Variants in MON2 observed in about 807,000 individuals in gnomAD.
MON2 encodes MON2 regulator of endosome-to-Golgi trafficking.
Under a neutral mutation model 208.6 loss-of-function variants are expected in MON2, and 84 were observed. The observed-to-expected ratio is 0.40, with a 90% CI of 0.34 to 0.48. The LOEUF (loss-of-function observed/expected upper bound fraction) is 0.48. Among genes scored for constraint, MON2 ranks in the 20% least tolerant of loss-of-function variants. The probability of loss-of-function intolerance (pLI) is 0.59; values close to 1 mark genes in which losing one functional copy is unlikely to be tolerated. For missense variants in MON2, 1,611 were observed against 2,015.4 expected, an observed-to-expected ratio of 0.80 and a Z score of 3.84; for synonymous variants, 660 against 694.0, an observed-to-expected ratio of 0.95 and a Z score of 0.77.
In MON2 at chr12:62,495,061, A is replaced by G. The variant is rs905044528; in HGVS notation, c.349A>G (p.Asn117Asp). 6.2e-7 allele frequency: 1 copy of G among 1,610,896 alleles called. No individual in the cohort carries two copies. ...IINMLWQLME[N>D]SLEELKLLQT... ...TAACATGCTTTGGCAGCTAATGGAG[A>G]ATAGTCTTGAAGAACTTAAGCTACT... The change falls in exon 4 of 35, where the codon AAT becomes GAT. Residue 117 changes from asparagine to aspartate, a missense_variant. By Grantham distance (23) the Asn-to-Asp change is conservative (BLOSUM62 1). Coordinates refer to ENST00000393630, the MANE Select transcript of MON2 (RefSeq NM_015026.3).
At chr12:62,569,634 A>C (rs1334238848) in intron 29 of MON2, among the ~76,000 whole-genome samples, 5 of 152,130 alleles carry the variant, frequency 3.3e-5, no homozygotes, top group Admixed American at 2.0e-4. Flanking sequence ...TTTTTAGTGG[A>C]TCAACTTTGG....
At chr12:62,532,358 C>A in intron 11 of MON2, 80 bp from the exon 12 acceptor site, 1 of 1,024,990 alleles carries the variant, frequency 9.8e-7, no homozygotes, top group South Asian at 1.5e-5. Context: ...TTTCTATAGT[C>A]TGTAAATTGT....
intron 23 of MON2, among the ~76,000 whole-genome samples, chr12:62,550,332 C>A (rs1161860211): frequency 6.6e-6 from 1 of 152,014 alleles, no homozygotes; most frequent in Non-Finnish European, 1.5e-5. Flanking sequence ...AGTTTGAGAC[C>A]AGGCTGGGCA....
chr12:62,576,029 G>A (rs1310334494), intron 30 of MON2, among the ~76,000 whole-genome samples: 1 of 152,032 alleles, frequency 6.6e-6, no homozygotes, highest in African/African-American at 2.4e-5. Context: ...GCAAAAAAGT[G>A]AAATTGAATG....
chr12:62,569,711 A>G (rs757837304), intron 29 of MON2, among the ~76,000 whole-genome samples: 2 of 152,170 alleles, frequency 1.3e-5, no homozygotes, highest in Non-Finnish European at 2.9e-5. Flanking sequence ...GGCTTAATCA[A>G]CTCATCATCT....
At chr12:62,574,724 A>C (rs2074714585) in intron 30 of MON2, among the ~76,000 whole-genome samples, 2 of 152,090 alleles carry the variant, frequency 1.3e-5, no homozygotes, top group Non-Finnish European at 2.9e-5. Context: ...GTAGTTGATG[A>C]ACACCCTAGA....
At chr12:62,551,502 C>A (rs1024497027) in intron 23 of MON2, among the ~76,000 whole-genome samples, 3 of 151,982 alleles carry the variant, frequency 2.0e-5, no homozygotes, top group African/African-American at 7.3e-5. Context: ...CATAGATCAC[C>A]ATAACAGACA....
At chr12:62,544,463 A>G (rs147249433) in intron 20 of MON2, among the ~76,000 whole-genome samples, 12 of 152,230 alleles carry the variant, frequency 7.9e-5, no homozygotes, top group African/African-American at 2.6e-4. Flanking sequence ...TAATAATAAT[A>G]AAATAAATAA....
intron 23 of MON2, 100 bp downstream of exon 23, chr12:62,549,930 T>G: frequency 1.5e-6 from 1 of 680,764 alleles, no homozygotes; most frequent in Non-Finnish European, 2.2e-6. Flanking sequence ...CTTTGCAAAT[T>G]GTTTATATGG....
intron 30 of MON2, among the ~76,000 whole-genome samples, chr12:62,572,171 A>G (rs2074616808): frequency 1.3e-5 from 2 of 152,250 alleles, no homozygotes. Flanking sequence ...AGCAATTGCT[A>G]GTTACAAATG....
rs562262028 is a variant in MON2 at position 62,566,565 on chromosome 12, T to C, written c.4323+115T>C. On this transcript the variant is annotated intron_variant, in intron 29 of 34. Transcript: ENST00000393630. ...TAAATAGAAAATACAATTTGTAGTA[T>C]TATTTGTAATGACTTTTCTCCAATA... 4.8e-5 allele frequency: 51 copies of C among 1,063,226 alleles called. No homozygotes were observed. The African/African-American group carries it at 8.3e-4, about 17-fold the overall frequency. 65.9% of individuals were successfully genotyped at this position (1,063,226 alleles called of 1,614,324 possible). A position where few individuals can be genotyped will look rare whatever the true frequency, so the allele number is the denominator to read the frequency against.
intron 26 of MON2, among the ~76,000 whole-genome samples, chr12:62,563,268 T>C (rs1165077813): frequency 6.6e-6 from 1 of 152,202 alleles, no homozygotes; most frequent in Non-Finnish European, 1.5e-5. Context: ...GCTTGTTATG[T>C]GGGATATTTG....
chr12:62,532,751 T>C (rs2072715587), intron 12 of MON2, 81 bp downstream of exon 12: 16 of 1,003,044 alleles, frequency 1.6e-5, no homozygotes, highest in Non-Finnish European at 2.3e-5. Context: ...TATAAATCTT[T>C]CACCCTGACT....
intron 2 of MON2, among the ~76,000 whole-genome samples, chr12:62,488,098 A>G (rs2069901451): frequency 6.6e-6 from 1 of 152,172 alleles, no homozygotes; most frequent in African/African-American, 2.4e-5. Context: ...TGCTGCCTCT[A>G]GTATGTTTTT....
intron 21 of MON2, 87 bp from the exon 22 acceptor site, chr12:62,546,810 C>T (rs1235602588): frequency 1.0e-6 from 1 of 970,414 alleles, no homozygotes; most frequent in Non-Finnish European, 1.5e-6. Context: ...GTCTGAATGG[C>T]GATGAATTTA....
Position 62,513,725 on chromosome 12 carries a change from T to TTCC in MON2, c.984+5245_984+5246insTCC. On this transcript the variant is annotated intron_variant, in intron 8 of 34. Transcript: ENST00000393630. ...ACTTTGGGAGGCTGAGGCAGGCGGG[T>TTCC]CATGAGGTCAGGAGATCGAGACCAT... is the stretch of plus-strand genomic sequence containing the variant. Among the ~76,000 whole-genome samples, 2 of 122,466 alleles carry TTCC rather than the reference T, an allele frequency of 1.6e-5. 1 individual carries two copies. The highest frequency in any genetic ancestry group is 3.8e-5 in the Non-Finnish European group (2 of 53,122). 80.3% of individuals were successfully genotyped at this position (122,466 alleles called of 152,430 possible). A position where few individuals can be genotyped will look rare whatever the true frequency, so the allele number is the denominator to read the frequency against.
chr12:62,578,771 G>A (rs1183208516), intron 31 of MON2, among the ~76,000 whole-genome samples: 1 of 152,034 alleles, frequency 6.6e-6, no homozygotes, highest in African/African-American at 2.4e-5. Flanking sequence ...GAGTTTATTC[G>A]ATGAAATAAA....
At chr12:62,528,617 A>T (rs974004596) in intron 11 of MON2, among the ~76,000 whole-genome samples, 1 of 152,192 alleles carries the variant, frequency 6.6e-6, no homozygotes, top group African/African-American at 2.4e-5. Flanking sequence ...TAACTATTCT[A>T]GTGCTTAAAG....
chr12:62,505,542 A>G (rs1426039302), intron 7 of MON2, among the ~76,000 whole-genome samples: 1 of 152,136 alleles, frequency 6.6e-6, no homozygotes, highest in Non-Finnish European at 1.5e-5. Context: ...AGGCAAAAGC[A>G]AAGAAAGTTT....
Sources: allele counts gnomAD v4.1 joint callset (sites outside exome capture counted in the v4.1 genomes callset), GRCh38; gene constraint gnomAD v4.1.1; transcripts MANE v1.5; gene names NCBI Gene and HGNC (gene_info 2026-07-23, HGNC 2026-07-21).